Variants in CACNA1E observed in about 807,000 individuals in gnomAD.
CACNA1E encodes the protein voltage-dependent R-type calcium channel subunit alpha-1E.
Under a neutral mutation model 259.2 loss-of-function variants are expected in CACNA1E, and 40 were observed. The observed-to-expected ratio is 0.15, with a 90% CI of 0.12 to 0.20. The LOEUF (loss-of-function observed/expected upper bound fraction) is 0.20. CACNA1E is among the 10% of genes least tolerant of loss of function. The probability of loss-of-function intolerance (pLI) is 1.00; values close to 1 mark genes in which losing one functional copy is unlikely to be tolerated. For synonymous variants in CACNA1E, 1,104 were observed against 1,138.5 expected (o/e 0.97, Z 0.61); for missense variants, 1,874 against 3,040.1 (o/e 0.62, Z 9.02).
chr1:181,732,723 G>T lies in CACNA1E; in HGVS notation c.2637G>T (p.Arg879=). The T allele has an allele frequency of 1.3e-6, 2 of 1,545,802 alleles. No individual in the cohort carries two copies. The highest frequency in any genetic ancestry group is 1.7e-6 in the Non-Finnish European group (2 of 1,147,194). The change falls in exon 20 of 48, where the codon CGG becomes CGT. Residue 879 remains arginine (R), a synonymous_variant. Transcript: ENST00000367573. This position sits in a 1 kb window ranked among gnomAD's most constrained non-coding sequence, Gnocchi z 5.5. ...NQRTPLSLGQ[R]EPPWLARPCH... Reference sequence around the variant, plus strand: ...GGACCCCTTTGTCCCTGGGCCAGCGGGAGCCACCATGGCTGGCCAGGCCCT... The same window carrying T: ...GGACCCCTTTGTCCCTGGGCCAGCGTGAGCCACCATGGCTGGCCAGGCCCT...
rs768500940 is a variant in CACNA1E, at chr1:181,772,181, G to A, written c.5089G>A (p.Asp1697Asn). 3.7e-6 allele frequency: 6 copies of A among 1,613,824 alleles called. No individual in the cohort carries two copies. Among genetic ancestry groups the A allele is most frequent in the Non-Finnish European group, 5.1e-6 (6 of 1,179,870 alleles). ...GQNENERCGT[D>N]LAYVYFVSFI... ...GAACGAGAACGAACGCTGCGGCACC[G>A]ATCTGGCCTACGTGTACTTTGTCTC... is the stretch of plus-strand genomic sequence containing the variant. Residue 1697 changes from aspartate (D) to asparagine (N), a missense_variant, in exon 37 of 48, where the codon GAT becomes AAT. Around this residue, in one of 14 missense-constraint regions of CACNA1E, gnomAD observed 147 missense variants for 337.1 expected, o/e 0.44. Transcript: ENST00000367573.
At chr1:181,550,658 C>T (rs1003314732) in intron 3 of CACNA1E, among the ~76,000 whole-genome samples, 1 of 151,930 alleles carries the variant, frequency 6.6e-6, no homozygotes, top group Non-Finnish European at 1.5e-5. Context: ...GAGGAATTCA[C>T]TGCTGGCATT....
At chr1:181,318,988 T>C (rs1041934758) in intron 1 of CACNA1E, among the ~76,000 whole-genome samples, 4 of 152,136 alleles carry the variant, frequency 2.6e-5, no homozygotes, top group African/African-American at 4.8e-5. Flanking sequence ...GCCCATGTCT[T>C]GGAGAGAATA....
At chr1:181,615,121 C>A (rs776253280) in intron 6 of CACNA1E, among the ~76,000 whole-genome samples, 28 of 152,160 alleles carry the variant, frequency 1.8e-4, no homozygotes, top group Non-Finnish European at 3.1e-4. Flanking sequence ...GTAATATAGT[C>A]ATCCATTCAT....
intron 17 of CACNA1E, 26 bp from the exon 18 acceptor site, chr1:181,726,039 C>G (rs1654877388): frequency 6.4e-7 from 1 of 1,565,146 alleles, no homozygotes; most frequent in East Asian, 2.3e-5. Context: ...GGATCCCAGG[C>G]AAAGCCATCT....
At chr1:181,492,458 T>C (rs1664399530) in intron 1 of CACNA1E, among the ~76,000 whole-genome samples, 1 of 152,232 alleles carries the variant, frequency 6.6e-6, no homozygotes, top group Non-Finnish European at 1.5e-5. Context: ...AATTGGTATG[T>C]TGTTCTAGAA....
rs1658668918 is a variant in CACNA1E, at chr1:181,762,499, A to G, written c.4606-75A>G. The G allele has an allele frequency of 4.7e-6, 4 of 842,976 alleles. No homozygotes were observed. In the African/African-American group the frequency reaches 5.1e-5, roughly 11 times the overall value. 52.2% of individuals were successfully genotyped at this position (842,976 alleles called of 1,614,324 possible). A position where few individuals can be genotyped will look rare whatever the true frequency, so the allele number is the denominator to read the frequency against. ...ATTTCCAAGGGACAAACAAAGTTAT[A>G]TAATGAAAGATGTCTTTTCTCCTTT... On this transcript the variant is annotated intron_variant, in intron 32 of 47. Coordinates refer to ENST00000367573, the MANE Select transcript of CACNA1E (RefSeq NM_001205293.3).
Position 181,732,996 on chromosome 1 carries a change from G to A in CACNA1E, c.2910G>A (p.Glu970=). 2 of 1,611,876 alleles carry A rather than the reference G, an allele frequency of 1.2e-6. No individual in the cohort carries two copies. The highest frequency in any genetic ancestry group is 1.7e-6 in the Non-Finnish European group (2 of 1,178,976). ...HELRGNHGAK[E]PTIQEERAQD... Reference sequence around the variant, plus strand: ...TCAGGGGCAACCATGGTGCCAAGGAGCCAACGATCCAAGAAGAGAGAGCCC... The same window carrying A: ...TCAGGGGCAACCATGGTGCCAAGGAACCAACGATCCAAGAAGAGAGAGCCC... Residue 970 remains glutamate, a synonymous_variant, in exon 20 of 48, where the codon GAG becomes GAA. Coordinates refer to ENST00000367573, the MANE Select transcript of CACNA1E (RefSeq NM_001205293.3). This position sits in a 1 kb window ranked among gnomAD's most constrained non-coding sequence, Gnocchi z 5.5.
At chr1:181,399,644 G>A (rs1656948124) in intron 1 of CACNA1E, among the ~76,000 whole-genome samples, 1 of 152,216 alleles carries the variant, frequency 6.6e-6, no homozygotes, top group Admixed American at 6.5e-5. Flanking sequence ...ACTCCAGCAG[G>A]ACTGGGAAGA....
At chr1:181,359,078 G>A (rs1653666345) in intron 1 of CACNA1E, among the ~76,000 whole-genome samples, 1 of 152,116 alleles carries the variant, frequency 6.6e-6, no homozygotes. Context: ...TACCTTTCTT[G>A]GGTTTAGTTC....
chr1:181,629,253 A>C (rs757903940), intron 6 of CACNA1E, among the ~76,000 whole-genome samples: 4 of 152,038 alleles, frequency 2.6e-5, no homozygotes, highest in Non-Finnish European at 5.9e-5. Flanking sequence ...CAAGCAGTGA[A>C]GCAGCTGATG....
At chr1:181,567,030 A>G (rs902515916) in intron 3 of CACNA1E, among the ~76,000 whole-genome samples, 2 of 152,182 alleles carry the variant, frequency 1.3e-5, no homozygotes, top group Non-Finnish European at 2.9e-5. Flanking sequence ...TCTGTCCCCA[A>G]ACATCAATAC....
chr1:181,643,100 A>T (rs1456801326), intron 6 of CACNA1E, among the ~76,000 whole-genome samples: 1 of 152,194 alleles, frequency 6.6e-6, no homozygotes, highest in Non-Finnish European at 1.5e-5. Flanking sequence ...GAACTATTTA[A>T]ATAAACTAAT....
At chr1:181,729,453 C>T (rs1161399954) in intron 18 of CACNA1E, among the ~76,000 whole-genome samples, 1 of 152,222 alleles carries the variant, frequency 6.6e-6, no homozygotes, top group African/African-American at 2.4e-5. Flanking sequence ...CATGGCTATC[C>T]ATGAAGAAAC....
chr1:181,382,737 C>T (rs751719783), intron 1 of CACNA1E, among the ~76,000 whole-genome samples: 49 of 152,250 alleles, frequency 3.2e-4, no homozygotes, highest in Admixed American at 1.3e-3. Flanking sequence ...TAAAGCTTCC[C>T]GTGTGCTTCA....
intron 7 of CACNA1E, among the ~76,000 whole-genome samples, chr1:181,700,070 G>A (rs1253657381): frequency 6.6e-6 from 1 of 152,158 alleles, no homozygotes; most frequent in Non-Finnish European, 1.5e-5. Flanking sequence ...ACGTCACCTG[G>A]AGGGAGAATG....
chr1:181,594,231 A>G (rs2103035380), intron 6 of CACNA1E, among the ~76,000 whole-genome samples: 1 of 152,100 alleles, frequency 6.6e-6, no homozygotes, highest in Admixed American at 6.5e-5. Context: ...TGCTATTAGC[A>G]GGTTGAGTTT....
At chr1:181,533,027 G>A (rs1420726195) in intron 3 of CACNA1E, among the ~76,000 whole-genome samples, 2 of 152,042 alleles carry the variant, frequency 1.3e-5, no homozygotes, top group African/African-American at 4.8e-5. Flanking sequence ...ACTTCTTAAT[G>A]TGTCCTGGTC....
At chr1:181,736,565 C>T (rs1484961596) in intron 22 of CACNA1E, 131 bp downstream of exon 22, 3 of 839,100 alleles carry the variant, frequency 3.6e-6, no homozygotes, top group Non-Finnish European at 5.5e-6. Context: ...GGAGCATGGC[C>T]AGACATTGAG....
Sources: gnomAD v4.1 joint callset for allele counts (sites outside exome capture counted in the v4.1 genomes callset) on GRCh38, gnomAD v4.1.1 for gene constraint, gnomAD v4.1.1 regional missense constraint, Gnocchi (gnomAD v3.1) non-coding constraint, MANE v1.5 for transcripts, NCBI Gene and HGNC (gene_info 2026-07-23, HGNC 2026-07-21) for gene names.